Variants in SRC observed in about 807,000 individuals in gnomAD.
SRC encodes SRC proto-oncogene, non-receptor tyrosine kinase, also known as proto-oncogene tyrosine-protein kinase Src.
A neutral mutation model predicts 62.9 loss-of-function variants in SRC; 13 were observed. The ratio of observed to expected loss-of-function variants is 0.21; its 90% CI spans 0.13 to 0.33. SRC has a LOEUF of 0.33. SRC is among the 10% of genes least tolerant of loss of function. The pLI is 1.00. For missense variants in SRC, 457 were observed against 737.3 expected (o/e 0.62, Z 4.40); for synonymous variants, 302 against 317.5 (o/e 0.95, Z 0.52).
rs869060355 is a variant in SRC, at chr20:37,384,123, TC to T, written c.-4-25del. On this transcript the variant is annotated intron_variant, in intron 3 of 13. Coordinates refer to ENST00000373578, the MANE Select transcript of SRC (RefSeq NM_198291.3). The surrounding 1 kb of genome is among the most constrained non-coding windows in gnomAD (Gnocchi z 6.7). ...AAGGGGCCCCGGCAGCCCTGCCTGTTCCAGTGTCTTCTCTCTCTCCTGCCAG... is the reference window on the plus strand; with the variant it reads ...AAGGGGCCCCGGCAGCCCTGCCTGTTCAGTGTCTTCTCTCTCTCCTGCCAG... 6.3e-7 allele frequency: 1 copy of T among 1,594,842 alleles called. No individual in the cohort carries two copies. Among genetic ancestry groups the T allele is most frequent in the Non-Finnish European group, 8.5e-7 (1 of 1,174,638 alleles).
At chr20:37,383,923 C>T (rs2147047784) in intron 3 of SRC, among the ~76,000 whole-genome samples, 1 of 150,598 alleles carries the variant, frequency 6.6e-6, no homozygotes, top group Middle Eastern at 3.4e-3. Flanking sequence ...TCAAGTAGAG[C>T]CCGGGTTTCC....
chr20:37,395,597 G>A (rs548127329), intron 7 of SRC, among the ~76,000 whole-genome samples: 51 of 152,358 alleles, frequency 3.3e-4, no homozygotes, highest in African/African-American at 1.1e-3. Flanking sequence ...TCCTGCCCAC[G>A]ACGGCCAAAG....
At chr20:37,357,992 G>T (rs959563387) in intron 1 of SRC, among the ~76,000 whole-genome samples, 9 of 152,228 alleles carry the variant, frequency 5.9e-5, no homozygotes, top group Non-Finnish European at 1.3e-4. Flanking sequence ...GAGGGCCTTG[G>T]AGGCCCCTGT....
intron 5 of SRC, among the ~76,000 whole-genome samples, chr20:37,391,648 G>A (rs1319934134): frequency 6.6e-6 from 1 of 152,128 alleles, no homozygotes; most frequent in African/African-American, 2.4e-5. Flanking sequence ...GAGGTCAGGA[G>A]TTCGAGACCA....
intron 1 of SRC, among the ~76,000 whole-genome samples, chr20:37,360,285 G>A (rs367808694): frequency 7.2e-6 from 1 of 139,524 alleles, no homozygotes; most frequent in East Asian, 2.0e-4. Flanking sequence ...GTGCAGTGGT[G>A]CAATTACAGC....
Position 37,396,244 on chromosome 20 carries a change from C to T in SRC, c.636C>T (p.Ser212=), listed in dbSNP as rs150488614. The change falls in exon 8 of 14, where the codon AGC becomes AGT. Residue 212 remains serine (S), a synonymous_variant. Transcript: ENST00000373578. The surrounding 1 kb of genome is among the most constrained non-coding windows in gnomAD (Gnocchi z 6.1). ...ACTACAAGATCCGCAAGCTGGACAGCGGCGGCTTCTACATCACCTCCCGCA... is the reference window on the plus strand; with the variant it reads ...ACTACAAGATCCGCAAGCTGGACAGTGGCGGCTTCTACATCACCTCCCGCA... ...VKHYKIRKLD[S]GGFYITSRTQ... is the part of the protein sequence containing the mutation. 184 of 1,614,016 alleles carry T rather than the reference C, an allele frequency of 1.1e-4. 1 individual carries two copies. Among genetic ancestry groups the T allele is most frequent in the South Asian group, 8.9e-4 (81 of 91,086 alleles).
chr20:37,349,560 G>A (rs1344460080), intron 1 of SRC, among the ~76,000 whole-genome samples: 3 of 152,228 alleles, frequency 2.0e-5, no homozygotes, highest in African/African-American at 7.2e-5. Flanking sequence ...TTAAAGGAGG[G>A]CTGTGTGCCC....
chr20:37,345,677 G>A (rs2069705482), upstream of SRC, among the ~76,000 whole-genome samples: 1 of 152,272 alleles, frequency 6.6e-6, no homozygotes, highest in African/African-American at 2.4e-5. Flanking sequence ...GCTCAGGCCA[G>A]GTGGTGGTTA....
chr20:37,384,375 C>T lies in SRC; in HGVS notation c.222C>T (p.Thr74=), dbSNP rs2070414260. 2 of 1,455,064 alleles carry T rather than the reference C, an allele frequency of 1.4e-6. No homozygotes were observed. The highest frequency in any genetic ancestry group is 3.1e-5 in the East Asian group (1 of 32,264). 90.1% of individuals were successfully genotyped at this position (1,455,064 alleles called of 1,614,324 possible). The change falls in exon 4 of 14, where the codon ACC becomes ACT. Residue 74 remains threonine (T), a synonymous_variant. Coordinates refer to ENST00000373578, the MANE Select transcript of SRC (RefSeq NM_198291.3). This position sits in a 1 kb window ranked among gnomAD's most constrained non-coding sequence, Gnocchi z 6.7. The stretch of plus-strand genomic sequence containing the variant: ...GCTTCAACTCCTCGGACACCGTCAC[C>T]TCCCCGCAGAGGGCGGGCCCGCTGG... ...FGGFNSSDTV[T]SPQRAGPLAG... is the part of the protein sequence containing the mutation.
In SRC at chr20:37,396,145, C is replaced by T. The variant is rs541715085; in HGVS notation, c.554-17C>T. 6.2e-7 allele frequency: 1 copy of T among 1,609,214 alleles called. No individual in the cohort carries two copies. Among genetic ancestry groups the T allele is most frequent in the Non-Finnish European group, 8.5e-7 (1 of 1,179,000 alleles). ...GGAGAGGGCATGGCGGTCACGGCTC[C>T]CCTCGGTGCCCCGCAGGTGCCTACT... On this transcript the variant is annotated splice_polypyrimidine_tract_variant and intron_variant, in intron 7 of 13. Coordinates refer to ENST00000373578, the MANE Select transcript of SRC (RefSeq NM_198291.3). The surrounding 1 kb of genome is among the most constrained non-coding windows in gnomAD (Gnocchi z 6.1).
intron 1 of SRC, among the ~76,000 whole-genome samples, chr20:37,362,459 C>T (rs1490806861): frequency 1.3e-5 from 2 of 152,170 alleles, no homozygotes; most frequent in East Asian, 1.9e-4. Context: ...AGTTTCTCCT[C>T]AGCTCAGTGC....
chr20:37,387,026 G>A (rs2070466057), intron 5 of SRC, among the ~76,000 whole-genome samples: 1 of 152,268 alleles, frequency 6.6e-6, no homozygotes, highest in Non-Finnish European at 1.5e-5. Flanking sequence ...TGGTGGAAGG[G>A]CAGCTTGCGG....
At position 37,351,322 on chromosome 20, in the gene SRC, T is replaced by C. The variant is rs537543967; in HGVS notation, c.-247+5067T>C. 6.6e-6 allele frequency among the ~76,000 whole-genome samples: 1 copy of C among 152,294 alleles called. No homozygotes were observed. The highest frequency in any genetic ancestry group is 2.1e-4 in the South Asian group (1 of 4,828). Reference sequence around the variant, plus strand: ...GTCCTCAGTTTCCTCATCTGTATGGTGAGGACTCCTCCCACTGAGGCTCTG... The same window carrying C: ...GTCCTCAGTTTCCTCATCTGTATGGCGAGGACTCCTCCCACTGAGGCTCTG... On this transcript the variant is annotated intron_variant, in intron 1 of 13. Transcript: ENST00000373578. This position sits in a 1 kb window ranked among gnomAD's most constrained non-coding sequence, Gnocchi z 4.4.
chr20:37,397,992 G>T lies in SRC; in HGVS notation c.859+138G>T. 1.7e-6 allele frequency: 2 copies of T among 1,178,846 alleles called. No homozygotes were observed. Among genetic ancestry groups the T allele is most frequent in the Non-Finnish European group, 1.2e-6 (1 of 860,026 alleles). 73.0% of individuals were successfully genotyped at this position (1,178,846 alleles called of 1,614,324 possible). On this transcript the variant is annotated intron_variant, in intron 9 of 13. Coordinates refer to ENST00000373578, the MANE Select transcript of SRC (RefSeq NM_198291.3). The surrounding 1 kb of genome is among the most constrained non-coding windows in gnomAD (Gnocchi z 4.1). Reference sequence around the variant, plus strand: ...TGTTGTAAATCTGGAGCTCCCCAGCGGTGGCTGGCACCGAGTTGGGTTGTG... The same window carrying T: ...TGTTGTAAATCTGGAGCTCCCCAGCTGTGGCTGGCACCGAGTTGGGTTGTG...
intron 1 of SRC, among the ~76,000 whole-genome samples, chr20:37,355,520 ACT>A (rs978444105): frequency 1.5e-4 from 22 of 151,558 alleles, no homozygotes; most frequent in Non-Finnish European, 2.7e-4. Context: ...TGGCAGCTGG[ACT>A]CTCTGTTATC....
At chr20:37,391,922 C>T (rs1054995781) in intron 5 of SRC, among the ~76,000 whole-genome samples, 1 of 152,188 alleles carries the variant, frequency 6.6e-6, no homozygotes, top group Non-Finnish European at 1.5e-5. Context: ...CTGCGCTGAT[C>T]GCTTGACATT....
In SRC at chr20:37,397,588, C is replaced by T. The variant is rs1269228771; in HGVS notation, c.704-111C>T. The T allele has an allele frequency of 5.8e-6, 8 of 1,370,218 alleles. No individual in the cohort carries two copies. The highest frequency in any genetic ancestry group is 1.5e-5 in the African/African-American group (1 of 67,288). 84.9% of individuals were successfully genotyped at this position (1,370,218 alleles called of 1,614,324 possible). ...GATGCCTGGCTTTGAGGGCACCCTG[C>T]GTGTCCCCTGAAATCTGTGTGCATC... On this transcript the variant is annotated intron_variant, in intron 8 of 13. Coordinates refer to ENST00000373578, the MANE Select transcript of SRC (RefSeq NM_198291.3). The surrounding 1 kb of genome is among the most constrained non-coding windows in gnomAD (Gnocchi z 4.1).
At chr20:37,347,923 C>A (rs985205597) in intron 1 of SRC, among the ~76,000 whole-genome samples, 1 of 152,342 alleles carries the variant, frequency 6.6e-6, no homozygotes. Flanking sequence ...CAGGACTGCA[C>A]ACACAGCAGT....
At chr20:37,348,345 G>A (rs1466629857) in intron 1 of SRC, among the ~76,000 whole-genome samples, 1 of 152,182 alleles carries the variant, frequency 6.6e-6, no homozygotes, top group African/African-American at 2.4e-5. Context: ...AACCAGAGAG[G>A]AGATGGCTCA....
Sources: allele counts gnomAD v4.1 joint callset (sites outside exome capture counted in the v4.1 genomes callset), GRCh38; gene constraint gnomAD v4.1.1; non-coding constraint Gnocchi (gnomAD v3.1); transcripts MANE v1.5; gene names NCBI Gene and HGNC (gene_info 2026-07-23, HGNC 2026-07-21).